MPHOSPH9: variants seen among roughly 807,000 people sequenced by gnomAD.
MPHOSPH9 encodes M-phase phosphoprotein 9.
MPHOSPH9 carries 88 observed loss-of-function variants against 145.5 expected under a neutral mutation model. The observed-to-expected ratio is 0.60, with a 90% CI of 0.51 to 0.72. The LOEUF (loss-of-function observed/expected upper bound fraction) is 0.72, where lower values mean the gene tolerates loss of function less well. MPHOSPH9 is among the 30% of genes least tolerant of loss of function. The probability of loss-of-function intolerance (pLI) is 0.00; values close to 1 mark genes in which losing one functional copy is unlikely to be tolerated. For missense variants in MPHOSPH9, 1,238 were observed against 1,386.6 expected (o/e 0.89, Z 1.70); for synonymous variants, 435 against 486.2 (o/e 0.89, Z 1.39).
At chr12:123,222,928 C>T (rs551621009) in intron 4 of MPHOSPH9, 110 bp downstream of exon 4, 1 of 648,988 alleles carries the variant, frequency 1.5e-6, no homozygotes, top group South Asian at 3.2e-5. Context: ...AAGAGTGAGA[C>T]TCCATTTCTA....
Position 123,202,981 on chromosome 12 carries a change from G to A in MPHOSPH9, c.1424C>T (p.Ser475Phe), listed in dbSNP as rs770334381. ...PNALDDRISFSPDSVLEPSMS... is the reference protein window; with the variant it reads ...PNALDDRISFFPDSVLEPSMS... ...ACTAGGCTCTAGAACAGAGTCCGGG[G>A]AAAAGGATATTCTGTCATCAAGGGC... Residue 475 changes from serine to phenylalanine, a missense_variant, in exon 10 of 24, where the codon TCC becomes TTC. Around this residue, in one of 3 missense-constraint regions of MPHOSPH9, gnomAD observed 837 missense variants for 897.5 expected, o/e 0.93. Coordinates refer to ENST00000606320, the MANE Select transcript of MPHOSPH9 (RefSeq NM_022782.4). 2 of 1,614,184 alleles carry A rather than the reference G, an allele frequency of 1.2e-6. No individual in the cohort carries two copies. The highest frequency in any genetic ancestry group is 1.7e-6 in the Non-Finnish European group (2 of 1,180,032).
At chr12:123,217,345 A>G (rs1363256399) in intron 6 of MPHOSPH9, among the ~76,000 whole-genome samples, 1 of 151,740 alleles carries the variant, frequency 6.6e-6, no homozygotes, top group Non-Finnish European at 1.5e-5. Flanking sequence ...CTACAGGCGC[A>G]TGCTACCACA....
chr12:123,223,145 A>G lies in MPHOSPH9; in HGVS notation c.259-18T>C, dbSNP rs1429909512. 7 of 1,304,762 alleles carry G rather than the reference A, an allele frequency of 5.4e-6. No individual in the cohort carries two copies. The highest frequency in any genetic ancestry group is 5.9e-6 in the Non-Finnish European group (6 of 1,018,424). The allele number at this position is 1,304,762 out of a possible 1,614,324, so 80.8% of individuals were successfully genotyped here. On this transcript the variant is annotated intron_variant, in intron 3 of 23. Coordinates refer to ENST00000606320, the MANE Select transcript of MPHOSPH9 (RefSeq NM_022782.4). ...CACCTGGTCTATTAAATTATAAAAT[A>G]TTTTAGTTAAAAATAATTTTTTGAC...
At chr12:123,192,184 C>T (rs943203608) in intron 13 of MPHOSPH9, among the ~76,000 whole-genome samples, 27 of 152,116 alleles carry the variant, frequency 1.8e-4, no homozygotes, top group African/African-American at 6.3e-4. Context: ...GTGGCACATG[C>T]CTGTAATCCC....
chr12:123,182,709 C>T (rs1290089553), intron 13 of MPHOSPH9, among the ~76,000 whole-genome samples: 4 of 150,606 alleles, frequency 2.7e-5, no homozygotes, highest in Non-Finnish European at 4.4e-5. Context: ...GTCAGGAGTT[C>T]GAGACCAGCC....
At position 123,218,372 on chromosome 12, in the gene MPHOSPH9, C is replaced by G. The variant is rs767129393; in HGVS notation, c.996+4G>C. ...GCCCGCAGGGAAAGTGACTAGTCAC[C>G]TACTTTCTCAATTGGTGTCTTCTTA... On this transcript the variant is annotated splice_donor_region_variant and intron_variant, in intron 6 of 23. Transcript: ENST00000606320. The G allele has an allele frequency of 1.4e-5, 23 of 1,613,906 alleles. No homozygotes were observed. In the South Asian group the frequency reaches 2.3e-4, roughly 16 times the overall value.
At chr12:123,203,989 T>C (rs889594155) in intron 8 of MPHOSPH9, among the ~76,000 whole-genome samples, 2 of 151,104 alleles carry the variant, frequency 1.3e-5, no homozygotes, top group Non-Finnish European at 2.9e-5. Flanking sequence ...GCCTAGCCAA[T>C]AGCCAAGTTT....
chr12:123,162,731 A>G (rs767867078), intron 20 of MPHOSPH9: 12 of 312,362 alleles, frequency 3.8e-5, no homozygotes, highest in Non-Finnish European at 5.8e-5. Context: ...CGTATCATAA[A>G]CCTTTTCAGG....
chr12:123,239,802 A>G (rs1342062152), intron 1 of MPHOSPH9, among the ~76,000 whole-genome samples: 1 of 151,796 alleles, frequency 6.6e-6, no homozygotes, highest in Non-Finnish European at 1.5e-5. Context: ...CAGTTTCCCA[A>G]TCTCCTTGTT....
rs139882496 is a variant in MPHOSPH9, at chr12:123,202,862, C to A, written c.1543G>T (p.Ala515Ser). ...GFPKYPSHTK[A>S]SPVDSWKNQT... ...TTTTTCCAAGAGTCCACCGGAGAAG[C>A]TTTTGTGTGTGAGGGATATTTTGGA... Residue 515 changes from alanine (A) to serine (S), a missense_variant, in exon 10 of 24, where the codon GCT becomes TCT. Around this residue, in one of 3 missense-constraint regions of MPHOSPH9, gnomAD observed 837 missense variants for 897.5 expected, o/e 0.93. Transcript: ENST00000606320. The A allele has an allele frequency of 8.9e-5, 144 of 1,614,022 alleles. No homozygotes were observed. The highest frequency in any genetic ancestry group is 1.2e-4 in the Non-Finnish European group (139 of 1,180,038).
In MPHOSPH9 at chr12:123,160,833, C is replaced by T. The variant is rs746520536; in HGVS notation, c.3398G>A (p.Ser1133Asn). The change falls in exon 23 of 24, where the codon AGC (serine) becomes AAC (asparagine). Residue 1133 changes from serine to asparagine, a missense_variant. Physicochemically the swap from Ser to Asn is conservative, Grantham distance 46. Transcript: ENST00000606320. ...KEKDQIEAALSRMPSPGGRIT... is the reference protein window; with the variant it reads ...KEKDQIEAALNRMPSPGGRIT... ...TCGTCCTCCAGGAGAAGGCATCCTG[C>T]TTAGTGCTGCCTCAATCTGTTAACA... is the stretch of plus-strand genomic sequence containing the variant. The T allele has an allele frequency of 6.2e-7, 1 of 1,613,888 alleles. No homozygotes were observed. The highest frequency in any genetic ancestry group is 8.5e-7 in the Non-Finnish European group (1 of 1,179,976).
upstream of MPHOSPH9, chr12:123,233,514 G>A (rs575880594): frequency 2.6e-5 from 4 of 152,398 alleles, no homozygotes; most frequent in South Asian, 8.3e-4. Flanking sequence ...GAGGGCACGA[G>A]TCGGGTCCTG....
intron 1 of MPHOSPH9, among the ~76,000 whole-genome samples, chr12:123,238,773 G>C (rs1453723279): frequency 6.6e-6 from 1 of 152,022 alleles, no homozygotes; most frequent in African/African-American, 2.4e-5. Context: ...GTCAGAGCAG[G>C]GCCTGAAATC....
In MPHOSPH9 at chr12:123,172,634, G is replaced by A. The variant is rs551095460; in HGVS notation, c.2456+4054C>T. 3.9e-5 allele frequency among the ~76,000 whole-genome samples: 6 copies of A among 152,142 alleles called. No individual in the cohort carries two copies. In the East Asian group the frequency reaches 5.8e-4, roughly 15 times the overall value. On this transcript the variant is annotated intron_variant, in intron 16 of 23. Coordinates refer to ENST00000606320, the MANE Select transcript of MPHOSPH9 (RefSeq NM_022782.4). ...AGGTGTGGGCCACCACGCCCAGTCCGTCATACAATTTTCATGTGTCATGAA... is the reference window on the plus strand; with the variant it reads ...AGGTGTGGGCCACCACGCCCAGTCCATCATACAATTTTCATGTGTCATGAA...
intron 13 of MPHOSPH9, among the ~76,000 whole-genome samples, chr12:123,186,009 G>A (rs898770734): frequency 1.3e-5 from 2 of 151,730 alleles, no homozygotes; most frequent in African/African-American, 4.8e-5. Flanking sequence ...GGTGGATCAC[G>A]AGGTCAGGAG....
At chr12:123,187,155 G>A (rs1334952774) in intron 13 of MPHOSPH9, among the ~76,000 whole-genome samples, 1 of 151,982 alleles carries the variant, frequency 6.6e-6, no homozygotes, top group East Asian at 1.9e-4. Context: ...CAGCTACTTG[G>A]TAGGCTGAGG....
intron 16 of MPHOSPH9, among the ~76,000 whole-genome samples, chr12:123,170,343 C>T (rs541612184): frequency 9.9e-5 from 15 of 152,204 alleles, no homozygotes; most frequent in African/African-American, 3.4e-4. Context: ...CGGGGTTTCA[C>T]CATGTTGGTA....
chr12:123,242,317 G>A (rs936297943), intron 1 of MPHOSPH9, among the ~76,000 whole-genome samples: 31 of 152,152 alleles, frequency 2.0e-4, no homozygotes, highest in Middle Eastern at 3.2e-3. Context: ...GGGAACTGGG[G>A]CAGAGCTGTC....
intron 2 of MPHOSPH9, among the ~76,000 whole-genome samples, chr12:123,228,591 G>A (rs2047520091): frequency 6.6e-6 from 1 of 152,150 alleles, no homozygotes; most frequent in East Asian, 1.9e-4. Flanking sequence ...AGGAGGCTGA[G>A]GCAGGGGAAT....
Sources: allele counts gnomAD v4.1 joint callset (sites outside exome capture counted in the v4.1 genomes callset), GRCh38; gene constraint gnomAD v4.1.1; regional missense constraint gnomAD v4.1.1; transcripts MANE v1.5; gene names NCBI Gene and HGNC (gene_info 2026-07-23, HGNC 2026-07-21).